The following TENM3 variants were observed in gnomAD, a reference collection of about 807,000 sequenced individuals.
TENM3 encodes the protein teneurin-3.
Under a neutral mutation model 255.1 loss-of-function variants are expected in TENM3, and 63 were observed. That is an observed-to-expected ratio of 0.25 (90% CI 0.20 to 0.30). TENM3 has a LOEUF of 0.30. Ranked by LOEUF, TENM3 falls within the 10% of genes least tolerant of loss-of-function variation. TENM3 has a pLI of 1.00. For synonymous variants in TENM3, 1,306 were observed against 1,322.3 expected (o/e 0.99, Z 0.27); for missense variants, 2,929 against 3,461.1 (o/e 0.85, Z 3.86).
At chr4:182,357,411 T>C (rs967141422) in intron 3 of TENM3, among the ~76,000 whole-genome samples, 3 of 152,238 alleles carry the variant, frequency 2.0e-5, no homozygotes, top group African/African-American at 7.2e-5. Context: ...ATTGCCATTC[T>C]AACTGGTGTG....
chr4:182,202,958 G>A (rs1348096661), intron 1 of TENM3, among the ~76,000 whole-genome samples: 2 of 152,050 alleles, frequency 1.3e-5, no homozygotes, highest in East Asian at 3.9e-4. Flanking sequence ...GCTCAAGCCT[G>A]TAATCCCAGC....
chr4:182,419,933 G>C (rs1035825446), intron 3 of TENM3, among the ~76,000 whole-genome samples: 2 of 151,918 alleles, frequency 1.3e-5, no homozygotes, highest in Non-Finnish European at 2.9e-5. Flanking sequence ...CGAGTTAACA[G>C]GTGCAGCACA....
chr4:181,761,014 C>T, the TENM3 span, among the ~76,000 whole-genome samples: 1 of 60,608 alleles, frequency 1.6e-5, no homozygotes, highest in Non-Finnish European at 3.3e-5. Flanking sequence ...ACACACACAC[C>T]CCGAATAATC....
chr4:182,260,193 A>G (rs1758689926), intron 1 of TENM3, among the ~76,000 whole-genome samples: 1 of 152,214 alleles, frequency 6.6e-6, no homozygotes, highest in Non-Finnish European at 1.5e-5. Context: ...GATCTGGGAT[A>G]AACATGGGAG....
At chr4:182,542,438 G>T (rs1201586803) in intron 3 of TENM3, among the ~76,000 whole-genome samples, 1 of 152,090 alleles carries the variant, frequency 6.6e-6, no homozygotes, top group Non-Finnish European at 1.5e-5. Flanking sequence ...CCATTTGAGG[G>T]CTACCTCTTG....
Position 182,792,450 on chromosome 4 carries a change from G to C in TENM3, c.5778G>C (p.Thr1926=). The part of the protein sequence containing the change: ...NPPESNASII[T]DYNEEGLLLQ... ...CGGAAAGCAACGCCTCCATCATCAC[G>C]GACTACAACGAGGAAGGGCTGCTTC... The change falls in exon 26 of 28, where the codon ACG becomes ACC. Residue 1926 remains threonine, a synonymous_variant. Transcript: ENST00000511685. The surrounding 1 kb of genome is among the most constrained non-coding windows in gnomAD (Gnocchi z 6.3). The C allele has an allele frequency of 6.2e-7, 1 of 1,613,976 alleles. No homozygotes were observed. Among genetic ancestry groups the C allele is most frequent in the South Asian group, 1.1e-5 (1 of 91,078 alleles).
chr4:182,298,730 T>G lies in TENM3; in HGVS notation c.-75-25216T>G, dbSNP rs574413719. Among the ~76,000 whole-genome samples the G allele has an allele frequency of 5.3e-5, 8 of 152,120 alleles. 1 individual carries two copies. In the South Asian group the frequency reaches 1.7e-3, roughly 32 times the overall value. The stretch of plus-strand genomic sequence containing the variant: ...GCTTATGCCTGTAATCCCAGCACTT[T>G]GAGAAGCCGAGGCAGGTGGATCACC... On this transcript the variant is annotated intron_variant, in intron 1 of 27. Coordinates refer to ENST00000511685, the MANE Select transcript of TENM3 (RefSeq NM_001080477.4).
At chr4:182,535,999 T>C (rs1740269047) in intron 3 of TENM3, among the ~76,000 whole-genome samples, 1 of 152,158 alleles carries the variant, frequency 6.6e-6, no homozygotes, top group Admixed American at 6.5e-5. Flanking sequence ...ATATTGTATA[T>C]GTATTGGCCT....
chr4:181,876,917 AC>A, the TENM3 span: 2 of 152,132 alleles, frequency 1.3e-5, no homozygotes, highest in African/African-American at 4.8e-5. Flanking sequence ...TGTGAAGGAA[AC>A]TGGGAAAAGA....
chr4:181,986,807 G>A, the TENM3 span, among the ~76,000 whole-genome samples: 1 of 152,024 alleles, frequency 6.6e-6, no homozygotes, highest in East Asian at 1.9e-4. Context: ...ATTATATGCA[G>A]CCATTAAATG....
the TENM3 span, among the ~76,000 whole-genome samples, chr4:182,134,217 C>T: frequency 5.9e-4 from 90 of 152,206 alleles, no homozygotes; most frequent in East Asian, 1.5e-3. Context: ...TTGCCTGTAC[C>T]ATGGCCTGAT....
chr4:182,583,418 C>A (rs914238655), intron 3 of TENM3, among the ~76,000 whole-genome samples: 1 of 145,834 alleles, frequency 6.9e-6, no homozygotes, highest in East Asian at 2.1e-4. Context: ...TTAGGGAATT[C>A]TTTTAAAAAC....
At chr4:182,648,865 G>C (rs1006851008) in intron 5 of TENM3, among the ~76,000 whole-genome samples, 1 of 152,034 alleles carries the variant, frequency 6.6e-6, no homozygotes, top group African/African-American at 2.4e-5. Context: ...CCAACATTAG[G>C]CTTGTGAGAT....
At chr4:181,601,465 A>G in the TENM3 span, among the ~76,000 whole-genome samples, 5 of 152,150 alleles carry the variant, frequency 3.3e-5, no homozygotes, top group Non-Finnish European at 7.4e-5. Flanking sequence ...GACGGTTGTC[A>G]TCTTGCTATG....
At chr4:182,072,316 G>A in the TENM3 span, among the ~76,000 whole-genome samples, 1 of 152,120 alleles carries the variant, frequency 6.6e-6, no homozygotes. Context: ...TCATAATCTG[G>A]CTGCTCTTTT....
intron 1 of TENM3, among the ~76,000 whole-genome samples, chr4:182,211,796 CT>C (rs1755059870): frequency 6.6e-6 from 1 of 152,068 alleles, no homozygotes; most frequent in Non-Finnish European, 1.5e-5. Context: ...TTGTTTTTGT[CT>C]TTAATTATTT....
chr4:182,482,789 C>A (rs935663473), intron 3 of TENM3, among the ~76,000 whole-genome samples: 18 of 152,080 alleles, frequency 1.2e-4, no homozygotes, highest in Admixed American at 8.5e-4. Context: ...ATTTTTATGG[C>A]CTTCTCCCAT....
the TENM3 span, among the ~76,000 whole-genome samples, chr4:181,644,415 G>T: frequency 4.0e-5 from 6 of 149,510 alleles, no homozygotes; most frequent in South Asian, 1.3e-3. Context: ...CCTGCAAAAA[G>T]GTGGAATCTC....
In TENM3 at chr4:182,315,136, C is replaced by T. The variant is rs139282396; in HGVS notation, c.-75-8810C>T. ...ATGTTATAAATGCTACAGTACACGG[C>T]TACGATGATTGCTTAGTTATCTATA... On this transcript the variant is annotated intron_variant, in intron 1 of 27. Coordinates refer to ENST00000511685, the MANE Select transcript of TENM3 (RefSeq NM_001080477.4). Among the ~76,000 whole-genome samples, 87 of 152,302 alleles carry T rather than the reference C, an allele frequency of 5.7e-4. 1 individual carries two copies. The highest frequency in any genetic ancestry group is 3.4e-3 in the Middle Eastern group (1 of 294).
Sources: gnomAD v4.1 joint callset for allele counts (sites outside exome capture counted in the v4.1 genomes callset) on GRCh38, gnomAD v4.1.1 for gene constraint, Gnocchi (gnomAD v3.1) non-coding constraint, MANE v1.5 for transcripts, NCBI Gene and HGNC (gene_info 2026-07-23, HGNC 2026-07-21) for gene names.